The following UNC13B variants were observed in gnomAD, a reference collection of about 807,000 sequenced individuals.
UNC13B encodes protein unc-13 homolog B.
Under a neutral mutation model 211.0 loss-of-function variants are expected in UNC13B, and 144 were observed. The ratio of observed to expected loss-of-function variants is 0.68; its 90% CI spans 0.60 to 0.78. The LOEUF is 0.78. UNC13B is among the 30% of genes least tolerant of loss of function. The pLI is 0.00. For missense variants in UNC13B, 1,777 were observed against 2,002.0 expected, an observed-to-expected ratio of 0.89 and a Z score of 2.14; for synonymous variants, 709 against 725.8, an observed-to-expected ratio of 0.98 and a Z score of 0.37.
chr9:35,186,629 A>G (rs1822375561), intron 1 of UNC13B, among the ~76,000 whole-genome samples: 2 of 152,144 alleles, frequency 1.3e-5, no homozygotes, highest in Admixed American at 6.5e-5. Flanking sequence ...AAGAGGAAAA[A>G]GCTGACTGGT....
chr9:35,390,223 A>G (rs1835445566), intron 25 of UNC13B, among the ~76,000 whole-genome samples: 1 of 152,176 alleles, frequency 6.6e-6, no homozygotes, highest in Admixed American at 6.5e-5. Context: ...GGACTGCCAT[A>G]GGAGCCCCAG....
rs1825591620 is a variant in UNC13B, at chr9:35,237,744, A to G, written c.312A>G (p.Leu104=). The change falls in exon 5 of 40, where the codon TTA becomes TTG. Residue 104 remains leucine, a synonymous_variant. Coordinates refer to ENST00000635942, the MANE Select transcript of UNC13B (RefSeq NM_001371189.2). ...GGTCCACATTAGAGGCAGAGACGTT[A>G]ATGAAAGACGATGAGATCTGTGGAA... The part of the protein sequence containing the change: ...GEWSTLEAET[L]MKDDEICGTR... The G allele has an allele frequency of 1.2e-6, 2 of 1,613,876 alleles. No individual in the cohort carries two copies. The highest frequency in any genetic ancestry group is 1.1e-5 in the South Asian group (1 of 91,022).
chr9:35,353,333 G>A, intron 11 of UNC13B: 1 of 1,232,190 alleles, frequency 8.1e-7, no homozygotes, highest in Non-Finnish European at 1.0e-6. Flanking sequence ...TCAGAAGCTG[G>A]AGAACAGTGG....
chr9:35,366,157 A>G (rs369833334), intron 11 of UNC13B, among the ~76,000 whole-genome samples: 3 of 152,226 alleles, frequency 2.0e-5, no homozygotes, highest in African/African-American at 7.2e-5. Context: ...TTAGCCTGAA[A>G]AAAGCATGTG....
rs986576812 is a variant in UNC13B, at chr9:35,303,276, TACTTC to T, written c.3876_3880del (p.His1293CysfsTer15). On this transcript the variant is annotated frameshift_variant, in exon 9 of 40. Coordinates refer to ENST00000635942, the MANE Select transcript of UNC13B (RefSeq NM_001371189.2). LOFTEE classifies it high-confidence loss of function. ...CATCACCCCTCCTCTGAGAACATTG[TACTTC>T]ACTGTGCTCCAAGTGCTCAGCTAGG... is the stretch of plus-strand genomic sequence containing the variant. The T allele has an allele frequency of 3.3e-5, 13 of 398,516 alleles. No homozygotes were observed. The highest frequency in any genetic ancestry group is 2.5e-4 in the African/African-American group (12 of 48,746). 24.7% of individuals were successfully genotyped at this position (398,516 alleles called of 1,614,324 possible).
At chr9:35,369,424 CAT>C (rs1358146534) in intron 12 of UNC13B, among the ~76,000 whole-genome samples, 3 of 152,140 alleles carry the variant, frequency 2.0e-5, no homozygotes, top group African/African-American at 7.2e-5. Context: ...TGGGAGAAGA[CAT>C]AGTACATTAA....
At chr9:35,215,193 G>T (rs1824188806) in intron 1 of UNC13B, among the ~76,000 whole-genome samples, 2 of 152,118 alleles carry the variant, frequency 1.3e-5, no homozygotes, top group South Asian at 4.1e-4. Flanking sequence ...ATCACTTGAG[G>T]TCAAGAGTTT....
chr9:35,313,062 A>C (rs1005891825), intron 10 of UNC13B, among the ~76,000 whole-genome samples: 2 of 152,158 alleles, frequency 1.3e-5, no homozygotes, highest in South Asian at 4.1e-4. Context: ...TGATCGTTTT[A>C]AGAAGTGCAG....
intron 1 of UNC13B, among the ~76,000 whole-genome samples, chr9:35,205,985 A>C (rs1184198819): frequency 6.6e-6 from 1 of 151,984 alleles, no homozygotes; most frequent in Non-Finnish European, 1.5e-5. Flanking sequence ...GGAGTTTGAG[A>C]CCAGGTTGGG....
At chr9:35,276,656 GTCTTC>G (rs1828193882) in intron 7 of UNC13B, among the ~76,000 whole-genome samples, 1 of 152,056 alleles carries the variant, frequency 6.6e-6, no homozygotes, top group Non-Finnish European at 1.5e-5. Context: ...TACTATAAAA[GTCTTC>G]AAATGATTCA....
intron 7 of UNC13B, among the ~76,000 whole-genome samples, chr9:35,286,940 G>A (rs1828831199): frequency 6.6e-6 from 1 of 151,910 alleles, no homozygotes; most frequent in Non-Finnish European, 1.5e-5. Flanking sequence ...TACCGTAGAC[G>A]GGTAAACATA....
intron 14 of UNC13B, among the ~76,000 whole-genome samples, 183 bp downstream of exon 14, chr9:35,375,384 A>G (rs1834334899): frequency 1.3e-5 from 2 of 152,230 alleles, no homozygotes; most frequent in South Asian, 2.1e-4. Context: ...AAGCAAGTCT[A>G]GATCAGAGAG....
chr9:35,314,247 G>T (rs370687400), intron 11 of UNC13B, among the ~76,000 whole-genome samples: 1 of 152,110 alleles, frequency 6.6e-6, no homozygotes, highest in African/African-American at 2.4e-5. Flanking sequence ...ACTGTTCATT[G>T]TCTCTTTGAA....
At chr9:35,202,824 G>C (rs374025357) in intron 1 of UNC13B, among the ~76,000 whole-genome samples, 1 of 144,612 alleles carries the variant, frequency 6.9e-6, no homozygotes, top group African/African-American at 2.6e-5. Flanking sequence ...ACAGAGTCTC[G>C]CTCTGTCACC....
In UNC13B at chr9:35,402,567, C is replaced by T. The variant is rs185257129; in HGVS notation, c.12485-600C>T. Among the ~76,000 whole-genome samples, 8 of 152,224 alleles carry T rather than the reference C, an allele frequency of 5.3e-5. No individual in the cohort carries two copies. In the East Asian group the frequency reaches 1.5e-3, roughly 29 times the overall value. On this transcript the variant is annotated intron_variant, in intron 37 of 39. Transcript: ENST00000635942. The stretch of plus-strand genomic sequence containing the variant: ...AAAGTCCTGGGATTACAGGTGTGAG[C>T]CACTGCACCTGGCCAGGTGTTTTCT...
intron 11 of UNC13B, chr9:35,364,606 A>G (rs1276763280): frequency 8.5e-6 from 13 of 1,531,960 alleles, no homozygotes; most frequent in African/African-American, 2.8e-5. Context: ...TTTTTTGTCT[A>G]TTTCCCTCCC....
intron 7 of UNC13B, among the ~76,000 whole-genome samples, chr9:35,260,400 C>T (rs991002253): frequency 2.0e-5 from 3 of 152,158 alleles, no homozygotes; most frequent in African/African-American, 2.4e-5. Context: ...TTGAGTAATT[C>T]GCCACAAATC....
chr9:35,354,923 C>A (rs1832932976), intron 11 of UNC13B, among the ~76,000 whole-genome samples: 2 of 152,170 alleles, frequency 1.3e-5, no homozygotes. Flanking sequence ...CACATTTTCA[C>A]ATGTGGAAGT....
intron 11 of UNC13B, among the ~76,000 whole-genome samples, chr9:35,321,708 C>T (rs925095843): frequency 6.6e-5 from 10 of 151,904 alleles, no homozygotes; most frequent in African/African-American, 2.4e-4. Flanking sequence ...ACTACATTGC[C>T]TAGGCTGGTC....
Sources: allele counts gnomAD v4.1 joint callset (sites outside exome capture counted in the v4.1 genomes callset), GRCh38; gene constraint gnomAD v4.1.1; transcripts MANE v1.5; gene names NCBI Gene and HGNC (gene_info 2026-07-23, HGNC 2026-07-21).